SNAPC4: variants seen among roughly 807,000 people sequenced by gnomAD.
SNAPC4 encodes the protein snRNA-activating protein complex subunit 4.
Under a neutral mutation model 151.3 loss-of-function variants are expected in SNAPC4, and 127 were observed. That is an observed-to-expected ratio of 0.84 (90% CI 0.73 to 0.97). The LOEUF (loss-of-function observed/expected upper bound fraction) is 0.97. Among genes scored for constraint, SNAPC4 ranks in the 50% least tolerant of loss-of-function variants. The pLI is 0.00. For synonymous variants in SNAPC4, 1,002 were observed against 824.4 expected (o/e 1.22, Z -3.69); for missense variants, 2,186 against 1,935.0 (o/e 1.13, Z -2.43).
intron 5 of SNAPC4, 142 bp from the exon 6 acceptor site, chr9:136,395,020 C>G: frequency 1.2e-6 from 1 of 810,900 alleles, no homozygotes; most frequent in Non-Finnish European, 1.9e-6. Flanking sequence ...GGGGTGCAAC[C>G]CTGCCGGCCA....
chr9:136,397,223 A>G (rs910379151), intron 2 of SNAPC4, among the ~76,000 whole-genome samples, 200 bp from the exon 3 acceptor site: 9 of 152,042 alleles, frequency 5.9e-5, no homozygotes, highest in African/African-American at 2.2e-4. Flanking sequence ...AGATAGAGAA[A>G]ACTCTGACCA....
intron 5 of SNAPC4, 129 bp from the exon 6 acceptor site, chr9:136,395,007 G>C: frequency 1.1e-6 from 1 of 877,452 alleles, no homozygotes; most frequent in Non-Finnish European, 1.7e-6. Context: ...CTGTGAGGCT[G>C]TGGGGGTGCA....
chr9:136,382,362 G>A (rs1588746030), intron 16 of SNAPC4, 26 bp from the exon 17 acceptor site: 1 of 1,603,478 alleles, frequency 6.2e-7, no homozygotes, highest in Non-Finnish European at 8.5e-7. Context: ...CCTGAGGCGA[G>A]GCACGCGGGG....
chr9:136,398,786 C>T (rs1031957318), intron 1 of SNAPC4: 2 of 225,180 alleles, frequency 8.9e-6, no homozygotes, highest in Non-Finnish European at 1.8e-5. Flanking sequence ...GGCCACCCAG[C>T]GTAGAAGGTG....
At chr9:136,382,642 G>A (rs149002842) in intron 16 of SNAPC4, among the ~76,000 whole-genome samples, 6 of 152,318 alleles carry the variant, frequency 3.9e-5, no homozygotes, top group Non-Finnish European at 5.9e-5. Flanking sequence ...GTGCAGCAGC[G>A]AGCCCCATGC....
At chr9:136,376,240 C>T in intron 23 of SNAPC4, 109 bp downstream of exon 23, 3 of 1,357,160 alleles carry the variant, frequency 2.2e-6, no homozygotes, top group Non-Finnish European at 3.1e-6. Context: ...TAACCCAGCA[C>T]ACCTGCTGTG....
intron 13 of SNAPC4, among the ~76,000 whole-genome samples, chr9:136,386,346 G>A (rs1275125508): frequency 6.6e-6 from 1 of 151,744 alleles, no homozygotes; most frequent in Non-Finnish European, 1.5e-5. Flanking sequence ...TTCGGGTGAT[G>A]AAATGTTTTA....
At position 136,377,482 on chromosome 9, in the gene SNAPC4, G is replaced by A. The variant is rs576931651; in HGVS notation, c.4284+61C>T. On this transcript the variant is annotated intron_variant, in intron 22 of 23. Coordinates refer to ENST00000684778, the MANE Select transcript of SNAPC4 (RefSeq NM_003086.4). ...GCCCCCACCCCACTGCTCCAGGCAG[G>A]CGAGGGCACCCCAGGGACCGCCGCC... is the stretch of plus-strand genomic sequence containing the variant. The A allele has an allele frequency of 7.4e-6, 11 of 1,488,348 alleles. No homozygotes were observed. The African/African-American group carries it at 1.5e-4, about 21-fold the overall frequency. 92.2% of individuals were successfully genotyped at this position (1,488,348 alleles called of 1,614,324 possible). A position where few individuals can be genotyped will look rare whatever the true frequency, so the allele number is the denominator to read the frequency against.
At position 136,384,805 on chromosome 9, in the gene SNAPC4, C is replaced by T. The variant is rs376351856; in HGVS notation, c.1335G>A (p.Arg445=). ...CCTTTTTCAAGCTGAAATGTAATCT[C>T]CTGAGATACCTGAACGTGACATGAA... ...SDAQCRDRYL[R]RLHFSLKKGR... The change falls in exon 14 of 24, where the codon AGG becomes AGA. Residue 445 remains arginine (R), a synonymous_variant. Coordinates refer to ENST00000684778, the MANE Select transcript of SNAPC4 (RefSeq NM_003086.4). 3 of 1,575,152 alleles carry T rather than the reference C, an allele frequency of 1.9e-6. No individual in the cohort carries two copies. Among genetic ancestry groups the T allele is most frequent in the African/African-American group, 2.7e-5 (2 of 73,522 alleles).
chr9:136,382,241 A>C lies in SNAPC4; in HGVS notation c.2067+12T>G. ...TGGTGGCGTGCGCGTGGGTGTCTGC[A>C]GCAGGCCTCACCTGTGTGCAGCTCC... On this transcript the variant is annotated intron_variant, in intron 17 of 23. Coordinates refer to ENST00000684778, the MANE Select transcript of SNAPC4 (RefSeq NM_003086.4). The C allele has an allele frequency of 6.2e-7, 1 of 1,611,904 alleles. No homozygotes were observed. The highest frequency in any genetic ancestry group is 1.3e-5 in the African/African-American group (1 of 75,010).
intron 2 of SNAPC4, among the ~76,000 whole-genome samples, chr9:136,397,535 G>A (rs1459117525): frequency 6.2e-5 from 9 of 145,064 alleles, no homozygotes; most frequent in African/African-American, 2.3e-4. Context: ...GCATGGAGGA[G>A]AGCATGTGGG....
At chr9:136,384,221 C>T (rs1588749707) in intron 14 of SNAPC4, among the ~76,000 whole-genome samples, 189 bp from the exon 15 acceptor site, 1 of 152,238 alleles carries the variant, frequency 6.6e-6, no homozygotes, top group East Asian at 1.9e-4. Context: ...ATGCTCAGCC[C>T]CTTAGGAAAG....
At chr9:136,391,428 G>A (rs1024888964) in intron 10 of SNAPC4, among the ~76,000 whole-genome samples, 12 of 152,064 alleles carry the variant, frequency 7.9e-5, no homozygotes, top group African/African-American at 2.2e-4. Flanking sequence ...GGTCCAAAGA[G>A]GCAATAAAAA....
At chr9:136,381,177 A>G (rs1833676736) in intron 19 of SNAPC4, 145 bp downstream of exon 19, 1 of 714,836 alleles carries the variant, frequency 1.4e-6, no homozygotes, top group Non-Finnish European at 2.5e-6. Flanking sequence ...ACTTGCTAAC[A>G]GTGTAAGGCA....
Position 136,397,017 on chromosome 9 carries a change from A to C in SNAPC4, c.137T>G (p.Leu46Arg), listed in dbSNP as rs754398968. The change falls in exon 3 of 24, where the codon CTG becomes CGG. Residue 46 changes from leucine (L) to arginine (R), a missense_variant. By Grantham distance (102) the Leu-to-Arg change is moderately radical (BLOSUM62 -2). Coordinates refer to ENST00000684778, the MANE Select transcript of SNAPC4 (RefSeq NM_003086.4). ...SLESDSEADS[L>R]PSEDLDPADP... ...GGCAGGATCCAAGTCCTCAGAAGGC[A>C]GTGAATCTGTCAGAAACACAAGCAA... 5.0e-6 allele frequency: 8 copies of C among 1,612,862 alleles called. No homozygotes were observed. Among genetic ancestry groups the C allele is most frequent in the Non-Finnish European group, 6.8e-6 (8 of 1,179,858 alleles).
Position 136,384,735 on chromosome 9 carries a change from C to T in SNAPC4, c.1405G>A (p.Glu469Lys), listed in dbSNP as rs778221159. The change falls in exon 14 of 24, where the codon GAA (glutamate) becomes AAA (lysine). Residue 469 changes from glutamate (E) to lysine (K), a missense_variant. Coordinates refer to ENST00000684778, the MANE Select transcript of SNAPC4 (RefSeq NM_003086.4). ...AGCAACTTACCGACACCATATTTTT[C>T]TATTAATTCAATTAACTGTTCCTCT... ...KEEEQLIELIEKYGVGHWAKI... is the reference protein window; with the variant it reads ...KEEEQLIELIKKYGVGHWAKI... The T allele has an allele frequency of 1.3e-6, 2 of 1,537,684 alleles. No individual in the cohort carries two copies. The highest frequency in any genetic ancestry group is 3.7e-5 in the Admixed American group (2 of 53,568).
rs374276442 is a variant in SNAPC4 at position 136,378,989 on chromosome 9, G to A, written c.2838C>T (p.Thr946=). 54 of 1,607,486 alleles carry A rather than the reference G, an allele frequency of 3.4e-5. No individual in the cohort carries two copies. Among genetic ancestry groups the A allele is most frequent in the African/African-American group, 9.3e-5 (7 of 74,906 alleles). The part of the protein sequence containing the change: ...TPHGRPAPGP[T]VLNVPLSGPG... ...GCCCAGAGAGCGGTACATTTAAGACGGTGGGACCCGGGGCTGGGCGGCCGT... is the reference window on the plus strand; with the variant it reads ...GCCCAGAGAGCGGTACATTTAAGACAGTGGGACCCGGGGCTGGGCGGCCGT... The change falls in exon 22 of 24, where the codon ACC becomes ACT. Residue 946 remains threonine, a synonymous_variant. Coordinates refer to ENST00000684778, the MANE Select transcript of SNAPC4 (RefSeq NM_003086.4).
rs1163740944 is a variant in SNAPC4 at position 136,398,281 on chromosome 9, T to C, written c.130+18A>G. On this transcript the variant is annotated intron_variant, in intron 2 of 23. Transcript: ENST00000684778. ...TGTTCTTACCAGGACCCCAGGAGGC[T>C]AGGTACAAGGGGCTTACCTGCTTCA... 2 of 1,603,166 alleles carry C rather than the reference T, an allele frequency of 1.2e-6. No homozygotes were observed. The highest frequency in any genetic ancestry group is 1.7e-6 in the Non-Finnish European group (2 of 1,171,686).
At chr9:136,388,645 G>A (rs1050475617) in intron 10 of SNAPC4, 54 bp from the exon 11 acceptor site, 1 of 1,608,374 alleles carries the variant, frequency 6.2e-7, no homozygotes, top group African/African-American at 1.3e-5. Context: ...AGGATGTCCA[G>A]ATCTGGCTCT....
Sources: gnomAD v4.1 joint callset for allele counts (sites outside exome capture counted in the v4.1 genomes callset) on GRCh38, gnomAD v4.1.1 for gene constraint, MANE v1.5 for transcripts, NCBI Gene and HGNC (gene_info 2026-07-23, HGNC 2026-07-21) for gene names.